Variants in INTS10 observed in about 807,000 individuals in gnomAD.
The protein encoded by INTS10 is integrator complex subunit 10.
A neutral mutation model predicts 94.4 loss-of-function variants in INTS10; 44 were observed. That is an observed-to-expected ratio of 0.47 (90% CI 0.37 to 0.60). The LOEUF is 0.60. INTS10 is among the 20% of genes least tolerant of loss of function. The pLI, the probability that INTS10 is intolerant of heterozygous loss-of-function variation, is 0.00. For synonymous variants in INTS10, 341 were observed against 320.7 expected (o/e 1.06, Z -0.68); for missense variants, 797 against 868.7 (o/e 0.92, Z 1.04).
Position 19,840,062 on chromosome 8 carries a change from C to CAA in INTS10, c.1640-2759_1640-2758dup, listed in dbSNP as rs56275270. The stretch of plus-strand genomic sequence containing the variant: ...TAGGCGACAGAGTGAGACCTTGTCT[C>CAA]AAAAAAAAAAAAAAAAAAAAAAAAA... On this transcript the variant is annotated intron_variant, in intron 13 of 16. Transcript: ENST00000397977. Among the ~76,000 whole-genome samples, 577 of 70,308 alleles carry CAA rather than the reference C, an allele frequency of 8.2e-3. 22 individuals carry two copies. Among genetic ancestry groups the CAA allele is most frequent in the South Asian group, 0.017 (24 of 1,424 alleles). 46.1% of individuals were successfully genotyped at this position (70,308 alleles called of 152,430 possible).
intron 13 of INTS10, among the ~76,000 whole-genome samples, chr8:19,840,756 A>T (rs1178785177): frequency 6.6e-6 from 1 of 152,186 alleles, no homozygotes; most frequent in Non-Finnish European, 1.5e-5. Context: ...TCAAAAAAAA[A>T]AATCTAGCCC....
In INTS10 at chr8:19,824,806, C is replaced by T; in HGVS notation, c.840C>T (p.Ser280=). ...CEWQMDKGRR[S]YGDILHRMKD... is the part of the protein sequence containing the mutation. ...TTCATCATTCCTTCCTTTTTAGAAG[C>T]TATGGAGATATTTTGCATAGAATGA... is the stretch of plus-strand genomic sequence containing the variant. Residue 280 remains serine, a synonymous_variant, in exon 8 of 17, where the codon AGC becomes AGT. Transcript: ENST00000397977. 6.2e-7 allele frequency: 1 copy of T among 1,602,222 alleles called. No individual in the cohort carries two copies. Among genetic ancestry groups the T allele is most frequent in the Non-Finnish European group, 8.5e-7 (1 of 1,172,422 alleles).
chr8:19,819,440 T>G, intron 2 of INTS10, 133 bp from the exon 3 acceptor site: 1 of 543,402 alleles, frequency 1.8e-6, no homozygotes. Flanking sequence ...TACATTTTTA[T>G]TTTGGTTTGT....
intron 16 of INTS10, among the ~76,000 whole-genome samples, chr8:19,850,460 T>C (rs1277747104): frequency 1.3e-5 from 2 of 150,712 alleles, no homozygotes; most frequent in East Asian, 3.9e-4. Flanking sequence ...GGTTCTGTGA[T>C]AGCTTTACTT....
chr8:19,837,796 A>G (rs1488064512), intron 13 of INTS10, among the ~76,000 whole-genome samples: 1 of 152,242 alleles, frequency 6.6e-6, no homozygotes, highest in Non-Finnish European at 1.5e-5. Flanking sequence ...CAAAATAGAG[A>G]ACATTAATAA....
At chr8:19,822,299 C>T (rs2128755028) in intron 4 of INTS10, 140 bp from the exon 5 acceptor site, 1 of 552,710 alleles carries the variant, frequency 1.8e-6, no homozygotes, top group Non-Finnish European at 3.2e-6. Flanking sequence ...ATTTTCCAGT[C>T]TTTAAAATGT....
intron 6 of INTS10, among the ~76,000 whole-genome samples, 168 bp downstream of exon 6, chr8:19,823,609 AG>A (rs2066560213): frequency 6.6e-6 from 1 of 152,216 alleles, no homozygotes; most frequent in African/African-American, 2.4e-5. Flanking sequence ...CTTTTCTGGA[AG>A]CAATGCCACC....
Position 19,817,523 on chromosome 8 carries a change from G to C in INTS10, c.-15G>C, listed in dbSNP as rs373835515. 1.9e-5 allele frequency: 30 copies of C among 1,602,816 alleles called. No individual in the cohort carries two copies. The East Asian group carries it at 5.8e-4, about 31-fold the overall frequency. On this transcript the variant is annotated 5_prime_UTR_variant, in exon 1 of 17. Coordinates refer to ENST00000397977, the MANE Select transcript of INTS10 (RefSeq NM_018142.4). ...TCCGGCCGCTTCGGGCTGGCGGCTGGAGAGCGCTCGGGTCATGTCTGCCCA... is the reference window on the plus strand; with the variant it reads ...TCCGGCCGCTTCGGGCTGGCGGCTGCAGAGCGCTCGGGTCATGTCTGCCCA...
intron 12 of INTS10, among the ~76,000 whole-genome samples, chr8:19,836,427 C>T (rs539819721): frequency 2.0e-5 from 3 of 152,288 alleles, no homozygotes; most frequent in South Asian, 2.1e-4. Flanking sequence ...GCAGTGCATC[C>T]GTCCAGTGTC....
intron 8 of INTS10, among the ~76,000 whole-genome samples, chr8:19,825,698 C>T (rs1417756056): frequency 1.3e-5 from 2 of 152,256 alleles, no homozygotes; most frequent in East Asian, 3.9e-4. Context: ...AAATCACCCA[C>T]AATCCTTCCA....
intron 12 of INTS10, 64 bp from the exon 13 acceptor site, chr8:19,836,988 T>C: frequency 9.9e-7 from 1 of 1,010,754 alleles, no homozygotes; most frequent in Non-Finnish European, 1.6e-6. Context: ...AATATTTTGG[T>C]ACTTTATTTG....
At chr8:19,841,225 C>T (rs2068099652) in intron 13 of INTS10, among the ~76,000 whole-genome samples, 1 of 152,180 alleles carries the variant, frequency 6.6e-6, no homozygotes, top group Admixed American at 6.5e-5. Context: ...ACTACATAGA[C>T]ATCCTTTAAA....
rs989246634 is a variant in INTS10 at position 19,851,206 on chromosome 8, G to A, written c.1977-443G>A. 2.0e-5 allele frequency among the ~76,000 whole-genome samples: 3 copies of A among 152,274 alleles called. No individual in the cohort carries two copies. Among genetic ancestry groups the A allele is most frequent in the African/African-American group, 7.2e-5 (3 of 41,548 alleles). ...GGGGGCCATGGTGGGAGCTCACTTG[G>A]GTGATTGGCTCATTCAGGTCTCCTC... is the stretch of plus-strand genomic sequence containing the variant. On this transcript the variant is annotated intron_variant, in intron 16 of 16. Coordinates refer to ENST00000397977, the MANE Select transcript of INTS10 (RefSeq NM_018142.4). This position sits in a 1 kb window ranked among gnomAD's most constrained non-coding sequence, Gnocchi z 5.0.
chr8:19,850,016 G>T (rs1280011549), intron 16 of INTS10, among the ~76,000 whole-genome samples: 1 of 151,854 alleles, frequency 6.6e-6, no homozygotes, highest in Non-Finnish European at 1.5e-5. Context: ...CCAGCTACTC[G>T]GGAGGCTGAG....
chr8:19,822,469 G>A lies in INTS10; in HGVS notation c.472G>A (p.Glu158Lys). Reference protein sequence around the residue: ...VGLGEALLEAETIEEQESPVN... With the variant: ...VGLGEALLEAKTIEEQESPVN... ...CCTTGGGGAGGCACTATTAGAGGCTGAAACTATTGAAGAACAAGAATCTCC... is the reference window on the plus strand; with the variant it reads ...CCTTGGGGAGGCACTATTAGAGGCTAAAACTATTGAAGAACAAGAATCTCC... The change falls in exon 5 of 17, where the codon GAA (glutamate) becomes AAA (lysine). Residue 158 changes from glutamate to lysine, a missense_variant. Glu to Lys is a moderately conservative substitution (Grantham distance 56, BLOSUM62 1). Around this residue, in one of 3 missense-constraint regions of INTS10, gnomAD observed 734 missense variants for 787.8 expected, o/e 0.93. Coordinates refer to ENST00000397977, the MANE Select transcript of INTS10 (RefSeq NM_018142.4). 1 of 1,612,326 alleles carries A rather than the reference G, an allele frequency of 6.2e-7. No individual in the cohort carries two copies. The highest frequency in any genetic ancestry group is 2.2e-5 in the East Asian group (1 of 44,840).
chr8:19,833,255 G>C lies in INTS10; in HGVS notation c.1464G>C (p.Gly488=), dbSNP rs775576006. ...CTCAGCCACAGATCACAGGGCAGGG[G>C]ACCCTGGAGCATCAGAGGGCGCTCA... ...SISQPQITGQ[G]TLEHQRALIQ... is the part of the protein sequence containing the mutation. The change falls in exon 12 of 17, where the codon GGG becomes GGC. Residue 488 remains glycine, a synonymous_variant. Coordinates refer to ENST00000397977, the MANE Select transcript of INTS10 (RefSeq NM_018142.4). 4.3e-6 allele frequency: 7 copies of C among 1,612,898 alleles called. No individual in the cohort carries two copies. In the East Asian group the frequency reaches 1.6e-4, roughly 36 times the overall value.
chr8:19,822,296 AG>A, intron 4 of INTS10, 142 bp from the exon 5 acceptor site: 1 of 539,810 alleles, frequency 1.9e-6, no homozygotes, highest in South Asian at 2.7e-5. Flanking sequence ...TTTATTTTCC[AG>A]TCTTTAAAAT....
chr8:19,837,086 A>C lies in INTS10; in HGVS notation c.1565A>C (p.Tyr522Ser). 1.2e-6 allele frequency: 2 copies of C among 1,613,852 alleles called. No individual in the cohort carries two copies. The highest frequency in any genetic ancestry group is 1.7e-6 in the Non-Finnish European group (2 of 1,179,702). Residue 522 changes from tyrosine to serine, a missense_variant, in exon 13 of 17, where the codon TAC becomes TCC. Around this residue, in one of 3 missense-constraint regions of INTS10, gnomAD observed 734 missense variants for 787.8 expected, o/e 0.93. Coordinates refer to ENST00000397977, the MANE Select transcript of INTS10 (RefSeq NM_018142.4). ...TCEKVLDLMCYMVLPIQDGGK... is the reference protein window; with the variant it reads ...TCEKVLDLMCSMVLPIQDGGK... ...GAAAAAGTCCTTGATTTGATGTGCTACATGGTACTCCCCATTCAAGATGGA... is the reference window on the plus strand; with the variant it reads ...GAAAAAGTCCTTGATTTGATGTGCTCCATGGTACTCCCCATTCAAGATGGA...
At chr8:19,833,945 T>G (rs532115737) in intron 12 of INTS10, among the ~76,000 whole-genome samples, 46 of 150,418 alleles carry the variant, frequency 3.1e-4, no homozygotes, top group African/African-American at 1.1e-3. Flanking sequence ...AGGTGGAGGT[T>G]GCAGTGAGCC....
Sources: allele counts gnomAD v4.1 joint callset (sites outside exome capture counted in the v4.1 genomes callset), GRCh38; gene constraint gnomAD v4.1.1; regional missense constraint gnomAD v4.1.1; non-coding constraint Gnocchi (gnomAD v3.1); transcripts MANE v1.5; gene names NCBI Gene and HGNC (gene_info 2026-07-23, HGNC 2026-07-21).